The following TPP2 variants were observed in gnomAD, a reference collection of about 807,000 sequenced individuals.
TPP2 encodes the protein tripeptidyl-peptidase 2.
Under a neutral mutation model 155.9 loss-of-function variants are expected in TPP2, and 34 were observed. The observed-to-expected ratio is 0.22, with a 90% CI of 0.17 to 0.29. The LOEUF (loss-of-function observed/expected upper bound fraction) is 0.29, where lower values mean the gene tolerates loss of function less well. TPP2 is among the 10% of genes least tolerant of loss of function. TPP2 has a pLI of 1.00. For missense variants in TPP2, 1,028 were observed against 1,522.3 expected, an observed-to-expected ratio of 0.68 and a Z score of 5.40; for synonymous variants, 510 against 529.4, an observed-to-expected ratio of 0.96 and a Z score of 0.50.
intron 26 of TPP2, among the ~76,000 whole-genome samples, chr13:102,664,336 C>T (rs777184100): frequency 1.3e-5 from 2 of 152,116 alleles, no homozygotes; most frequent in African/African-American, 4.8e-5. Flanking sequence ...ATAATGTTTA[C>T]TCTCATCTTT....
At chr13:102,607,573 T>G in intron 2 of TPP2, 1 of 382,508 alleles carries the variant, frequency 2.6e-6, no homozygotes, top group Non-Finnish European at 5.4e-6. Flanking sequence ...TATAAAGTAT[T>G]ACTCGAGCAT....
intron 12 of TPP2, 52 bp downstream of exon 12, chr13:102,635,754 C>T (rs1882333116): frequency 3.0e-6 from 4 of 1,325,774 alleles, no homozygotes; most frequent in Non-Finnish European, 3.2e-6. Flanking sequence ...GAGATAATAT[C>T]TTAGATATTA....
At chr13:102,638,175 A>G in intron 14 of TPP2, 64 bp from the exon 15 acceptor site, 100 of 1,312,922 alleles carry the variant, frequency 7.6e-5, no homozygotes, top group Middle Eastern at 1.8e-4. Flanking sequence ...AGTAGTTTAG[A>G]CCTTCCCCCG....
At chr13:102,616,545 T>C in intron 4 of TPP2, 45 bp downstream of exon 4, 8 of 1,489,182 alleles carry the variant, frequency 5.4e-6, no homozygotes, top group Non-Finnish European at 7.3e-6. Flanking sequence ...TAGAACCATA[T>C]TCCCATAGAG....
Position 102,637,090 on chromosome 13 carries a change from GA to G in TPP2, c.1693del (p.Ile565TyrfsTer7). On this transcript the variant is annotated frameshift_variant, in exon 14 of 30. Transcript: ENST00000376052. LOFTEE classifies it high-confidence loss of function. ...PVFPENTENS[E>X]KISLQLHLAL... ...GGTCTTTTTCGTGCCAGAAAACTCT[GA>G]AAAAATATCCCTTCAGCTTCATTTA... 1 of 1,581,872 alleles carries G rather than the reference GA, an allele frequency of 6.3e-7. No homozygotes were observed.
intron 8 of TPP2, among the ~76,000 whole-genome samples, chr13:102,628,561 G>T (rs535346879): frequency 6.6e-6 from 1 of 151,972 alleles, no homozygotes; most frequent in Admixed American, 6.6e-5. Flanking sequence ...CTCCTTCCTC[G>T]TTGGCTTCAT....
At chr13:102,660,805 T>A (rs1323615619) in intron 25 of TPP2, among the ~76,000 whole-genome samples, 1 of 152,318 alleles carries the variant, frequency 6.6e-6, no homozygotes, top group South Asian at 2.1e-4. Context: ...GGAATAGAAT[T>A]AAGAGTCCAG....
intron 27 of TPP2, chr13:102,667,816 G>T: frequency 1.0e-6 from 1 of 985,594 alleles, no homozygotes; most frequent in South Asian, 4.7e-5. Flanking sequence ...GATCCATCAG[G>T]CAGCATTTGC....
At chr13:102,665,053 A>G (rs868088057) in intron 27 of TPP2, 128 bp downstream of exon 27, 2 of 1,194,582 alleles carry the variant, frequency 1.7e-6, no homozygotes, top group Middle Eastern at 2.4e-4. Flanking sequence ...GGGAATTATC[A>G]CTATTTGGAT....
chr13:102,656,396 C>G (rs1883859328), intron 24 of TPP2, among the ~76,000 whole-genome samples: 1 of 152,160 alleles, frequency 6.6e-6, no homozygotes, highest in Non-Finnish European at 1.5e-5. Flanking sequence ...CAGGTCTTTA[C>G]ACTTGCTCAT....
At chr13:102,610,676 A>C (rs548314234) in intron 2 of TPP2, among the ~76,000 whole-genome samples, 1 of 152,330 alleles carries the variant, frequency 6.6e-6, no homozygotes, top group Middle Eastern at 3.4e-3. Context: ...TTCTCTAAGG[A>C]TGATATTCCT....
chr13:102,611,957 G>A (rs779412732), intron 2 of TPP2, among the ~76,000 whole-genome samples: 1 of 152,022 alleles, frequency 6.6e-6, no homozygotes, highest in Non-Finnish European at 1.5e-5. Flanking sequence ...AGTCTCTTTC[G>A]TATTCTCTTT....
At chr13:102,606,921 T>C (rs1468506524) in intron 2 of TPP2, among the ~76,000 whole-genome samples, 2 of 152,308 alleles carry the variant, frequency 1.3e-5, no homozygotes, top group Admixed American at 6.5e-5. Context: ...TGTGTTGGTA[T>C]TTGAAAGTTG....
intron 22 of TPP2, 121 bp from the exon 23 acceptor site, chr13:102,649,287 T>A (rs1056791173): frequency 6.9e-7 from 1 of 1,453,220 alleles, no homozygotes; most frequent in African/African-American, 1.4e-5. Flanking sequence ...TCCTTTGATT[T>A]TTGAAGTCTT....
intron 2 of TPP2, among the ~76,000 whole-genome samples, chr13:102,609,491 G>A (rs960006148): frequency 7.3e-6 from 1 of 136,554 alleles, no homozygotes; most frequent in Non-Finnish European, 1.5e-5. Context: ...TCTGCCACCC[G>A]GGTTCAAGCG....
At chr13:102,643,529 G>T (rs1213518805) in intron 17 of TPP2, among the ~76,000 whole-genome samples, 153 bp downstream of exon 17, 1 of 152,134 alleles carries the variant, frequency 6.6e-6, no homozygotes, top group African/African-American at 2.4e-5. Context: ...TAGAAAAATA[G>T]AAAATCTAAT....
intron 2 of TPP2, chr13:102,607,675 T>G (rs900452632): frequency 2.7e-5 from 12 of 448,782 alleles, no homozygotes; most frequent in Non-Finnish European, 5.4e-5. Context: ...CGACCTCTGC[T>G]TCCTGTATTC....
At chr13:102,639,606 G>T (rs1008604932) in intron 15 of TPP2, among the ~76,000 whole-genome samples, 3 of 151,948 alleles carry the variant, frequency 2.0e-5, no homozygotes, top group Admixed American at 2.0e-4. Context: ...ATGCTAGATT[G>T]TCTAGGTTAA....
intron 19 of TPP2, among the ~76,000 whole-genome samples, chr13:102,645,222 C>T (rs1883025199): frequency 6.6e-6 from 1 of 152,076 alleles, no homozygotes; most frequent in Non-Finnish European, 1.5e-5. Context: ...GGTGGATAGC[C>T]GATCCCAGTC....
Sources: allele counts gnomAD v4.1 joint callset (sites outside exome capture counted in the v4.1 genomes callset), GRCh38; gene constraint gnomAD v4.1.1; transcripts MANE v1.5; gene names NCBI Gene and HGNC (gene_info 2026-07-23, HGNC 2026-07-21).